Variants in ATP11C observed in about 807,000 individuals in gnomAD.
ATP11C encodes phospholipid-transporting ATPase IG.
Under a neutral mutation model 97.4 loss-of-function variants are expected in ATP11C, and 36 were observed. The observed-to-expected ratio is 0.37, with a 90% CI of 0.28 to 0.49. ATP11C has a LOEUF of 0.49. ATP11C is among the 20% of genes least tolerant of loss of function. The pLI is 0.98. For synonymous variants in ATP11C, 275 were observed against 290.9 expected, an observed-to-expected ratio of 0.95 and a Z score of 0.56; for missense variants, 730 against 824.6, an observed-to-expected ratio of 0.89 and a Z score of 1.40.
In ATP11C at chrX:139,788,238, T is replaced by C. The variant is rs749716771; in HGVS notation, c.1474A>G (p.Ile492Val). Residue 492 changes from isoleucine (I) to valine (V), a missense_variant, in exon 14 of 30, where the codon ATC becomes GTC. Ile to Val is a conservative substitution (Grantham distance 29). Transcript: ENST00000682941. ...GCTATTTCATCTGGTGAAGAGGAGA[T>C]ATAGGTTAATTCAGCTGATTCTGTA... is the stretch of plus-strand genomic sequence containing the variant. The part of the protein sequence containing the change: ...GATESAELTY[I>V]SSSPDEIALV... 1 of 1,208,979 alleles carries C rather than the reference T, an allele frequency of 8.3e-7. No individual in the cohort carries two copies. The highest frequency in any genetic ancestry group is 2.3e-4 in the Middle Eastern group (1 of 4,341).
chrX:139,834,167 G>A (rs2083710252), intron 1 of ATP11C, among the ~76,000 whole-genome samples: 1 of 111,846 alleles, frequency 8.9e-6, no homozygotes, highest in Non-Finnish European at 1.9e-5. Flanking sequence ...CTAGCAGAGA[G>A]TGCTTGGTTT....
At chrX:139,845,573 CATTA>C (rs1238177833) in intron 1 of ATP11C, among the ~76,000 whole-genome samples, 1 of 111,628 alleles carries the variant, frequency 9.0e-6, no homozygotes, top group African/African-American at 3.3e-5. Flanking sequence ...GTATAAACTA[CATTA>C]ATTAGAGCTT....
intron 1 of ATP11C, among the ~76,000 whole-genome samples, chrX:139,874,045 G>GTT (rs746204437): frequency 0.17 from 16,198 of 94,568 alleles, 2,844 homozygotes; most frequent in African/African-American, 0.48. Context: ...AAACAACCAG[G>GTT]TTTTTTTTTT....
chrX:139,781,763 T>C lies in ATP11C; in HGVS notation c.1952+784A>G, dbSNP rs757286154. Among the ~76,000 whole-genome samples, 17 of 111,085 alleles carry C rather than the reference T, an allele frequency of 1.5e-4. 1 individual carries two copies. In the South Asian group the frequency reaches 6.6e-3, roughly 43 times the overall value. On this transcript the variant is annotated intron_variant, in intron 18 of 29. Transcript: ENST00000682941. ...AATAAAAATAAAATAAAATAAAGCA[T>C]GCAAAAACATACTCTGGTCTGTTGA... is the stretch of plus-strand genomic sequence containing the variant.
chrX:139,757,476 G>A (rs1376029156), intron 23 of ATP11C, among the ~76,000 whole-genome samples: 3 of 111,685 alleles, frequency 2.7e-5, no homozygotes, highest in African/African-American at 9.8e-5. Flanking sequence ...TAACCTGAAA[G>A]CCTGCAAAGT....
At chrX:139,768,065 A>C (rs1330165452) in intron 20 of ATP11C, among the ~76,000 whole-genome samples, 195 bp downstream of exon 20, 1 of 112,103 alleles carries the variant, frequency 8.9e-6, no homozygotes, top group African/African-American at 3.2e-5. Flanking sequence ...GGGGACAACA[A>C]GGTGCAGCAT....
At chrX:139,930,844 T>C (rs1199937836) in intron 1 of ATP11C, among the ~76,000 whole-genome samples, 1 of 112,338 alleles carries the variant, frequency 8.9e-6, no homozygotes, top group Non-Finnish European at 1.9e-5. Flanking sequence ...AAGTTTCAAA[T>C]GAAGGAAAAA....
At chrX:139,928,785 A>G (rs915687029) in intron 1 of ATP11C, among the ~76,000 whole-genome samples, 26 of 111,843 alleles carry the variant, frequency 2.3e-4, no homozygotes, top group African/African-American at 7.5e-4. Flanking sequence ...CACACTCACA[A>G]TTAAGCTTTC....
At chrX:139,729,929 T>C (rs1346925816) in intron 29 of ATP11C, among the ~76,000 whole-genome samples, 1 of 111,416 alleles carries the variant, frequency 9.0e-6, no homozygotes, top group African/African-American at 3.3e-5. Flanking sequence ...CCAGAACCAC[T>C]AGTAGGTTTT....
intron 2 of ATP11C, 133 bp downstream of exon 2, chrX:139,826,571 G>T: frequency 4.7e-6 from 2 of 427,286 alleles, no homozygotes; most frequent in Non-Finnish European, 7.5e-6. Flanking sequence ...ACTTATTATA[G>T]CTGGTATATG....
intron 1 of ATP11C, among the ~76,000 whole-genome samples, chrX:139,907,805 G>A (rs2085007336): frequency 9.1e-6 from 1 of 109,827 alleles, no homozygotes; most frequent in African/African-American, 3.3e-5. Context: ...GTTGTTACAC[G>A]CCAGAGAACC....
chrX:139,757,396 G>A (rs980138047), intron 23 of ATP11C, among the ~76,000 whole-genome samples: 14 of 111,543 alleles, frequency 1.3e-4, no homozygotes, highest in African/African-American at 4.6e-4. Context: ...GCTGCTTTAC[G>A]TAATCCAAAG....
intron 23 of ATP11C, among the ~76,000 whole-genome samples, chrX:139,752,172 C>A (rs1366897120): frequency 9.0e-6 from 1 of 111,209 alleles, no homozygotes; most frequent in African/African-American, 3.3e-5. Flanking sequence ...GAGACCTTTT[C>A]AGATGTCTAA....
At chrX:139,869,394 T>C (rs767618043) in intron 1 of ATP11C, among the ~76,000 whole-genome samples, 145 of 111,364 alleles carry the variant, frequency 1.3e-3, no homozygotes, top group Non-Finnish European at 2.2e-3. Context: ...ATTATAGCAT[T>C]TGTACCCATA....
chrX:139,820,904 G>GC (rs1173619327), intron 2 of ATP11C, among the ~76,000 whole-genome samples: 1 of 110,939 alleles, frequency 9.0e-6, no homozygotes, highest in Non-Finnish European at 1.9e-5. Flanking sequence ...TTGACAGTTG[G>GC]CCTAAGAGTT....
intron 22 of ATP11C, among the ~76,000 whole-genome samples, chrX:139,759,103 C>A (rs778278613): frequency 4.5e-5 from 5 of 111,391 alleles, no homozygotes; most frequent in African/African-American, 1.6e-4. Context: ...TTCCTAGAGT[C>A]ACAGTTTATG....
chrX:139,802,104 G>A (rs2082938876), intron 7 of ATP11C, 132 bp downstream of exon 7: 2 of 480,755 alleles, frequency 4.2e-6, no homozygotes, highest in Non-Finnish European at 7.3e-6. Context: ...TTTTCTGCCA[G>A]AAGGAAGGAA....
chrX:139,912,467 T>C (rs922051759), intron 1 of ATP11C, among the ~76,000 whole-genome samples: 1 of 110,587 alleles, frequency 9.0e-6, no homozygotes, highest in African/African-American at 3.3e-5. Context: ...TATGCACATA[T>C]TTTATATCTA....
chrX:139,895,904 G>C (rs2084797475), intron 1 of ATP11C, among the ~76,000 whole-genome samples: 1 of 109,813 alleles, frequency 9.1e-6, no homozygotes, highest in African/African-American at 3.3e-5. Context: ...TGAACTCCTG[G>C]CCTCAAGCTG....
Sources: gnomAD v4.1 joint callset for allele counts (sites outside exome capture counted in the v4.1 genomes callset) on GRCh38, gnomAD v4.1.1 for gene constraint, MANE v1.5 for transcripts, NCBI Gene and HGNC (gene_info 2026-07-23, HGNC 2026-07-21) for gene names.